Variants in MYO5A observed in about 807,000 individuals in gnomAD.
MYO5A encodes unconventional myosin-Va.
MYO5A carries 98 observed loss-of-function variants against 249.7 expected under a neutral mutation model. The observed-to-expected ratio is 0.39, with a 90% CI of 0.33 to 0.46. The LOEUF is 0.46. MYO5A is among the 20% of genes least tolerant of loss of function. The pLI, the probability that MYO5A is intolerant of heterozygous loss-of-function variation, is 0.98. For missense variants in MYO5A, 1,696 were observed against 2,308.8 expected (o/e 0.73, Z 5.44); for synonymous variants, 778 against 810.6 (o/e 0.96, Z 0.68).
chr15:52,515,158 G>A (rs1307601105), intron 1 of MYO5A, among the ~76,000 whole-genome samples: 1 of 151,972 alleles, frequency 6.6e-6, no homozygotes, highest in African/African-American at 2.4e-5. Context: ...AGCTACTATA[G>A]TGCCAGCTAC....
At chr15:52,347,001 G>GT (rs140982065) in intron 29 of MYO5A, among the ~76,000 whole-genome samples, 1 of 151,582 alleles carries the variant, frequency 6.6e-6, no homozygotes, top group Non-Finnish European at 1.5e-5. Context: ...GCAAAATTAA[G>GT]TTTTTTTTCT....
Position 52,389,322 on chromosome 15 carries a change from G to A in MYO5A, c.1584C>T (p.Tyr528=). Residue 528 remains tyrosine, a synonymous_variant, in exon 13 of 42, where the codon TAC becomes TAT. Coordinates refer to ENST00000399233, the MANE Select transcript of MYO5A (RefSeq NM_001382347.1). ...GTDDTWAQKL[Y]NTHLNKCALF... ...GTGCACATTTGTTCAAATGTGTGTT[G>A]TACAATTTTTGGGCCCAGGTGTCAT... 6.2e-7 allele frequency: 1 copy of A among 1,612,910 alleles called. No individual in the cohort carries two copies. The highest frequency in any genetic ancestry group is 8.5e-7 in the Non-Finnish European group (1 of 1,179,048).
At chr15:52,345,226 A>C (rs2039559047) in intron 30 of MYO5A, among the ~76,000 whole-genome samples, 1 of 152,204 alleles carries the variant, frequency 6.6e-6, no homozygotes, top group African/African-American at 2.4e-5. Context: ...AAAACTTGTA[A>C]TATGTAATCT....
At chr15:52,383,997 T>C (rs2041870482) in intron 15 of MYO5A, among the ~76,000 whole-genome samples, 164 bp downstream of exon 15, 1 of 152,162 alleles carries the variant, frequency 6.6e-6, no homozygotes, top group African/African-American at 2.4e-5. Context: ...GGTCTAAAAC[T>C]GGGTGGAGAA....
intron 1 of MYO5A, among the ~76,000 whole-genome samples, chr15:52,517,759 T>C (rs919910484): frequency 2.0e-5 from 3 of 152,192 alleles, no homozygotes; most frequent in Non-Finnish European, 4.4e-5. Context: ...TTTATTGATA[T>C]AAATTCTCAC....
At chr15:52,380,387 G>C (rs962772382) in intron 16 of MYO5A, among the ~76,000 whole-genome samples, 6 of 152,018 alleles carry the variant, frequency 3.9e-5, no homozygotes, top group Non-Finnish European at 7.4e-5. Context: ...AGTGAGCCAA[G>C]ATCGCACCAC....
intron 23 of MYO5A, among the ~76,000 whole-genome samples, chr15:52,366,541 A>G (rs916099100): frequency 1.3e-5 from 2 of 150,466 alleles, no homozygotes; most frequent in African/African-American, 2.4e-5. Context: ...ATAAATGTCC[A>G]TATCTAGTTA....
intron 1 of MYO5A, among the ~76,000 whole-genome samples, chr15:52,519,544 C>G (rs557692541): frequency 1.3e-5 from 2 of 151,422 alleles, no homozygotes; most frequent in South Asian, 4.2e-4. Context: ...CCCAGGAGTT[C>G]GAGGCTGCAG....
At chr15:52,434,118 G>A (rs1455980575) in intron 1 of MYO5A, among the ~76,000 whole-genome samples, 2 of 151,250 alleles carry the variant, frequency 1.3e-5, no homozygotes, top group African/African-American at 4.9e-5. Context: ...TCCTGCCTCA[G>A]CCTCACGAGT....
rs112068437 is a variant in MYO5A, at chr15:52,461,789, C to T, written c.28-28504G>A. Reference sequence around the variant, plus strand: ...CAGCCTGGCCAACATAGTGAAACCCCGTCTCTACTACAAATACAAAAATTA... The same window carrying T: ...CAGCCTGGCCAACATAGTGAAACCCTGTCTCTACTACAAATACAAAAATTA... On this transcript the variant is annotated intron_variant, in intron 1 of 41. Transcript: ENST00000399233. 9.4e-4 allele frequency among the ~76,000 whole-genome samples: 143 copies of T among 151,678 alleles called. 1 individual carries two copies. Among genetic ancestry groups the T allele is most frequent in the African/African-American group, 3.3e-3 (135 of 41,328 alleles).
rs2037833698 is a variant in MYO5A at position 52,312,997 on chromosome 15, A to C, written c.*699T>G. The C allele has an allele frequency of 6.5e-6, 1 of 152,742 alleles. No individual in the cohort carries two copies. The highest frequency in any genetic ancestry group is 2.4e-5 in the African/African-American group (1 of 41,464). The allele number at this position is 152,742 out of a possible 1,614,324, so 9.5% of individuals were successfully genotyped here. ...GTGATCTGATTGAATTGTAAACAGAATTGACAAGAGAAACTTATTGTAGTG... is the reference window on the plus strand; with the variant it reads ...GTGATCTGATTGAATTGTAAACAGACTTGACAAGAGAAACTTATTGTAGTG... On this transcript the variant is annotated 3_prime_UTR_variant, in exon 42 of 42. Transcript: ENST00000399233.
chr15:52,334,874 A>C (rs1295851365), intron 34 of MYO5A, among the ~76,000 whole-genome samples: 1 of 152,244 alleles, frequency 6.6e-6, no homozygotes, highest in Non-Finnish European at 1.5e-5. Flanking sequence ...AGAGAGCAGA[A>C]CCATAACGTC....
intron 8 of MYO5A, among the ~76,000 whole-genome samples, chr15:52,406,571 ATTAAG>A (rs1449285922): frequency 6.6e-6 from 1 of 152,166 alleles, no homozygotes. Context: ...GTGCTTTTAA[ATTAAG>A]TTAACTCACC....
At chr15:52,435,019 T>G (rs1179684508) in intron 1 of MYO5A, among the ~76,000 whole-genome samples, 1 of 152,208 alleles carries the variant, frequency 6.6e-6, no homozygotes, top group African/African-American at 2.4e-5. Flanking sequence ...ATGGGGCAAC[T>G]TCCCAAAGAA....
At chr15:52,456,434 A>G (rs2076120580) in intron 1 of MYO5A, among the ~76,000 whole-genome samples, 1 of 152,122 alleles carries the variant, frequency 6.6e-6, no homozygotes, top group Non-Finnish European at 1.5e-5. Context: ...CAAAAATACT[A>G]ATGATATTCT....
chr15:52,420,082 G>A (rs949929634), intron 4 of MYO5A, among the ~76,000 whole-genome samples: 1 of 152,144 alleles, frequency 6.6e-6, no homozygotes, highest in Admixed American at 6.5e-5. Context: ...GAGGCAGGAG[G>A]ATCACTTGAG....
At chr15:52,340,063 C>T in intron 32 of MYO5A, 133 bp downstream of exon 32, 1 of 901,092 alleles carries the variant, frequency 1.1e-6, no homozygotes, top group South Asian at 1.4e-5. Context: ...TCTGTCTCTG[C>T]TGGAGTAAGA....
chr15:52,397,501 G>C (rs1248180983), intron 9 of MYO5A, 35 bp from the exon 10 acceptor site: 1 of 1,606,576 alleles, frequency 6.2e-7, no homozygotes, highest in African/African-American at 1.3e-5. Flanking sequence ...CCTATGACCA[G>C]ATAAATCAAG....
chr15:52,406,735 G>C (rs2043020389), intron 8 of MYO5A, among the ~76,000 whole-genome samples: 1 of 151,960 alleles, frequency 6.6e-6, no homozygotes, highest in African/African-American at 2.4e-5. Context: ...AAACAAGATA[G>C]TGACATCTGA....
Sources: gnomAD v4.1 joint callset for allele counts (sites outside exome capture counted in the v4.1 genomes callset) on GRCh38, gnomAD v4.1.1 for gene constraint, MANE v1.5 for transcripts, NCBI Gene and HGNC (gene_info 2026-07-23, HGNC 2026-07-21) for gene names.